Variants in KIF16B observed in about 807,000 individuals in gnomAD.
KIF16B encodes kinesin family member 16B.
A neutral mutation model predicts 156.3 loss-of-function variants in KIF16B; 98 were observed. The observed-to-expected ratio is 0.63, with a 90% CI of 0.53 to 0.74. The LOEUF is 0.74. KIF16B is among the 30% of genes least tolerant of loss of function. The pLI is 0.00. For missense variants in KIF16B, 1,421 were observed against 1,606.5 expected (o/e 0.88, Z 1.97); for synonymous variants, 564 against 583.7 (o/e 0.97, Z 0.49).
intron 1 of KIF16B, among the ~76,000 whole-genome samples, chr20:16,529,730 T>A (rs6044076): frequency 1.0e-3 from 157 of 152,312 alleles, no homozygotes; most frequent in African/African-American, 3.5e-3. Context: ...GGCGGGCAGA[T>A]CACCTGAGGT....
chr20:16,485,099 T>C (rs551164771), intron 12 of KIF16B, among the ~76,000 whole-genome samples: 2 of 152,258 alleles, frequency 1.3e-5, no homozygotes, highest in South Asian at 4.2e-4. Context: ...GGTTATCCTT[T>C]CTTGCCATTC....
At position 16,381,798 on chromosome 20, in the gene KIF16B, T is replaced by G. The variant is rs1388416210; in HGVS notation, c.1785-51A>C. 2 of 1,397,876 alleles carry G rather than the reference T, an allele frequency of 1.4e-6. 1 individual carries two copies. The highest frequency in any genetic ancestry group is 2.4e-5 in the South Asian group (2 of 83,182). 86.6% of individuals were successfully genotyped at this position (1,397,876 alleles called of 1,614,324 possible). A position where few individuals can be genotyped will look rare whatever the true frequency, so the allele number is the denominator to read the frequency against. On this transcript the variant is annotated intron_variant, in intron 17 of 25. Coordinates refer to ENST00000354981, the MANE Select transcript of KIF16B (RefSeq NM_024704.5). ...CACTTTTCTAAAGAGCTTTTCTATCTCTCTCTCACTCTCTGTATACAGAGT... is the reference window on the plus strand; with the variant it reads ...CACTTTTCTAAAGAGCTTTTCTATCGCTCTCTCACTCTCTGTATACAGAGT...
chr20:16,503,579 T>C (rs1364489977), intron 10 of KIF16B, among the ~76,000 whole-genome samples: 1 of 152,208 alleles, frequency 6.6e-6, no homozygotes, highest in Non-Finnish European at 1.5e-5. Context: ...AGCATTTCTT[T>C]TCACGATATA....
At chr20:16,281,954 A>G (rs73110340) in intron 25 of KIF16B, among the ~76,000 whole-genome samples, 6,249 of 151,874 alleles carry the variant, frequency 0.041, 204 homozygotes, top group African/African-American at 0.094. Flanking sequence ...TCATGCACCC[A>G]ATAAGTACTT....
chr20:16,518,278 G>A (rs989488257), intron 3 of KIF16B, among the ~76,000 whole-genome samples: 3 of 152,160 alleles, frequency 2.0e-5, no homozygotes, highest in Admixed American at 6.5e-5. Flanking sequence ...CTCCCACAGA[G>A]GATGCACCGA....
chr20:16,388,396 G>C (rs1471511288), intron 17 of KIF16B, among the ~76,000 whole-genome samples: 1 of 152,154 alleles, frequency 6.6e-6, no homozygotes, highest in African/African-American at 2.4e-5. Context: ...TTATCAAGGA[G>C]AGAACATCAA....
intron 1 of KIF16B, among the ~76,000 whole-genome samples, chr20:16,532,548 C>T (rs2069798160): frequency 6.6e-6 from 1 of 152,174 alleles, no homozygotes; most frequent in Non-Finnish European, 1.5e-5. Context: ...TAAAATTAAA[C>T]CTTTCCTACA....
intron 12 of KIF16B, among the ~76,000 whole-genome samples, chr20:16,430,819 C>T (rs531443665): frequency 6.7e-5 from 10 of 149,450 alleles, no homozygotes; most frequent in South Asian, 6.3e-4. Flanking sequence ...AAATGTATAC[C>T]GCATATATGA....
intron 24 of KIF16B, among the ~76,000 whole-genome samples, chr20:16,329,217 T>G (rs2063907667): frequency 6.6e-6 from 1 of 152,188 alleles, no homozygotes; most frequent in Non-Finnish European, 1.5e-5. Flanking sequence ...AGATGTGGTT[T>G]TAAAAGTTTT....
intron 22 of KIF16B, among the ~76,000 whole-genome samples, chr20:16,366,494 T>C (rs997117094): frequency 2.6e-5 from 4 of 151,904 alleles, no homozygotes; most frequent in African/African-American, 9.7e-5. Context: ...ATACACCAAG[T>C]GAGGAGCTGA....
rs1212720188 is a variant in KIF16B at position 16,505,836 on chromosome 20, C to T, written c.886G>A (p.Ala296Thr). 2 of 1,613,852 alleles carry T rather than the reference C, an allele frequency of 1.2e-6. No individual in the cohort carries two copies. Among genetic ancestry groups the T allele is most frequent in the African/African-American group, 1.3e-5 (1 of 74,916 alleles). ...TTCTTCTTTGCAAGAGTATTTGCAG[C>T]ATCCTGAGATAAATCAGCTATGAAA... ...ISALADLSQDAANTLAKKKQV... is the reference protein window; with the variant it reads ...ISALADLSQDTANTLAKKKQV... The change falls in exon 9 of 26, where the codon GCT (alanine) becomes ACT (threonine). Residue 296 changes from alanine (A) to threonine (T), a missense_variant. Transcript: ENST00000354981.
At chr20:16,432,703 G>A (rs1275831910) in intron 12 of KIF16B, among the ~76,000 whole-genome samples, 1 of 152,044 alleles carries the variant, frequency 6.6e-6, no homozygotes, top group Non-Finnish European at 1.5e-5. Flanking sequence ...CTGAAGACCT[G>A]AAGTCATGCG....
At chr20:16,321,623 G>C (rs1432064188) in intron 24 of KIF16B, among the ~76,000 whole-genome samples, 1 of 151,960 alleles carries the variant, frequency 6.6e-6, no homozygotes, top group Non-Finnish European at 1.5e-5. Context: ...TATTATCTTG[G>C]CTATACTGCT....
chr20:16,332,174 T>C (rs918170558), intron 24 of KIF16B, among the ~76,000 whole-genome samples: 2 of 152,102 alleles, frequency 1.3e-5, no homozygotes, highest in African/African-American at 4.8e-5. Flanking sequence ...GAAAGTAGAG[T>C]GCAATGGCCT....
At chr20:16,491,666 A>G (rs2068295845) in intron 12 of KIF16B, among the ~76,000 whole-genome samples, 1 of 152,154 alleles carries the variant, frequency 6.6e-6, no homozygotes, top group African/African-American at 2.4e-5. Flanking sequence ...CAGAAAGAGA[A>G]CTGAAGACTA....
At position 16,379,103 on chromosome 20, in the gene KIF16B, G is replaced by C. The variant is rs1031621468; in HGVS notation, c.2899C>G (p.Gln967Glu). Residue 967 changes from glutamine to glutamate, a missense_variant, in exon 19 of 26, where the codon CAA (glutamine) becomes GAA (glutamate). Transcript: ENST00000354981. ...AQYQANANQL[Q>E]KLQATFEFTA... is the part of the protein sequence containing the mutation. The stretch of plus-strand genomic sequence containing the variant: ...AATTCAAAGGTGGCTTGGAGCTTTT[G>C]CAGCTGGTTTGCATTGGCCTGGTAC... 1 of 1,612,806 alleles carries C rather than the reference G, an allele frequency of 6.2e-7. No homozygotes were observed. The highest frequency in any genetic ancestry group is 1.3e-5 in the African/African-American group (1 of 74,936).
chr20:16,409,800 G>A (rs2065874107), intron 15 of KIF16B, among the ~76,000 whole-genome samples: 1 of 151,204 alleles, frequency 6.6e-6, no homozygotes, highest in Non-Finnish European at 1.5e-5. Flanking sequence ...TGAGAACACT[G>A]GAAAAGGACC....
chr20:16,452,379 T>A (rs2146611365), intron 12 of KIF16B, among the ~76,000 whole-genome samples: 1 of 146,282 alleles, frequency 6.8e-6, no homozygotes, highest in Middle Eastern at 3.5e-3. Flanking sequence ...AAAAAGTAAG[T>A]AAAACTGCCA....
At chr20:16,280,008 C>T (rs2063122435) in intron 25 of KIF16B, among the ~76,000 whole-genome samples, 1 of 152,308 alleles carries the variant, frequency 6.6e-6, no homozygotes, top group Middle Eastern at 3.4e-3. Flanking sequence ...TTTGCTGCTA[C>T]ATGCTATTCC....
Sources: allele counts gnomAD v4.1 joint callset (sites outside exome capture counted in the v4.1 genomes callset), GRCh38; gene constraint gnomAD v4.1.1; transcripts MANE v1.5; gene names NCBI Gene and HGNC (gene_info 2026-07-23, HGNC 2026-07-21).